Variants in PPM1B observed in about 807,000 individuals in gnomAD.
PPM1B encodes protein phosphatase 1B.
PPM1B carries 22 observed loss-of-function variants against 43.0 expected under a neutral mutation model. That is an observed-to-expected ratio of 0.51 (90% CI 0.37 to 0.73). The LOEUF (loss-of-function observed/expected upper bound fraction) is 0.73. Among genes scored for constraint, PPM1B ranks in the 30% least tolerant of loss-of-function variants. PPM1B has a pLI of 0.00. For synonymous variants in PPM1B, 217 were observed against 197.9 expected (o/e 1.10, Z -0.81); for missense variants, 632 against 584.2 (o/e 1.08, Z -0.84).
At chr2:44,205,352 T>TGTGTGTCGGG (rs1553333026) in intron 2 of PPM1B, among the ~76,000 whole-genome samples, 1 of 143,206 alleles carries the variant, frequency 7.0e-6, no homozygotes, top group African/African-American at 2.6e-5. Flanking sequence ...GGTGTGGGTG[T>TGTGTGTCGGG]GGGTGTGTGT....
intron 1 of PPM1B, among the ~76,000 whole-genome samples, chr2:44,197,103 C>G (rs546570950): frequency 1.3e-5 from 2 of 152,106 alleles, no homozygotes; most frequent in Non-Finnish European, 2.9e-5. Flanking sequence ...TACCCCCTAC[C>G]CAGTTTCCAC....
At chr2:44,209,177 C>G (rs1192587505) in intron 2 of PPM1B, 33 bp from the exon 3 acceptor site, 2 of 1,496,160 alleles carry the variant, frequency 1.3e-6, no homozygotes, top group Non-Finnish European at 1.8e-6. Flanking sequence ...TGTAGAAATA[C>G]AATTTTTTTT....
intron 3 of PPM1B, among the ~76,000 whole-genome samples, chr2:44,215,880 A>T (rs1669696017): frequency 6.6e-6 from 1 of 152,164 alleles, no homozygotes; most frequent in Non-Finnish European, 1.5e-5. Context: ...GTGAGGAAGG[A>T]TGTTTGAGCA....
intron 5 of PPM1B, among the ~76,000 whole-genome samples, chr2:44,223,969 T>G (rs76963864): frequency 0.012 from 1,771 of 152,272 alleles, 42 homozygotes; most frequent in African/African-American, 0.041. Context: ...ATTCATTAAA[T>G]TTGACATGAT....
chr2:44,171,562 G>C (rs906137732), intron 1 of PPM1B, among the ~76,000 whole-genome samples: 1 of 152,144 alleles, frequency 6.6e-6, no homozygotes, highest in Non-Finnish European at 1.5e-5. Flanking sequence ...AGGTGCGGTG[G>C]CTCATGCCTG....
chr2:44,198,877 T>C lies in PPM1B; in HGVS notation c.-14-2309T>C, dbSNP rs530914781. On this transcript the variant is annotated intron_variant, in intron 1 of 5. Transcript: ENST00000282412. ...TAATTACTAGGGAATAAAGGGAGAA[T>C]GAATTAGTTTAAGCAGTTTTTTCAC... 2.6e-5 allele frequency among the ~76,000 whole-genome samples: 4 copies of C among 152,236 alleles called. No individual in the cohort carries two copies. The South Asian group carries it at 8.3e-4, about 32-fold the overall frequency.
chr2:44,236,402 CAAAAAAAAAAAAAAAAAA>C (rs61414038), downstream of PPM1B, among the ~76,000 whole-genome samples: 2 of 47,556 alleles, frequency 4.2e-5, no homozygotes, highest in Non-Finnish European at 8.1e-5. Flanking sequence ...GACTCCGTCT[CAAAAAAAAAAAAAAAAAA>C]AAAAAAAGTT....
In PPM1B at chr2:44,202,017, A is replaced by G. The variant is rs767149331; in HGVS notation, c.818A>G (p.Asn273Ser). The G allele has an allele frequency of 2.7e-5, 43 of 1,603,350 alleles. No homozygotes were observed. Among genetic ancestry groups the G allele is most frequent in the Middle Eastern group, 1.7e-4 (1 of 6,026 alleles). ...TCTGATGACCTGGAAAATGTGTGCA[A>G]TTGGGTAGTGGACACTTGTTTACAC... ...EVSDDLENVC[N>S]WVVDTCLHKG... The change falls in exon 2 of 6, where the codon AAT becomes AGT. Residue 273 changes from asparagine to serine, a missense_variant. Asn to Ser is a conservative substitution (Grantham distance 46). Around this residue, in one of 3 missense-constraint regions of PPM1B, gnomAD observed 392 missense variants for 302.7 expected, o/e 1.29. Transcript: ENST00000282412.
chr2:44,222,552 C>T lies in PPM1B; in HGVS notation c.1134+4015C>T, dbSNP rs77879007. Among the ~76,000 whole-genome samples the T allele has an allele frequency of 3.6e-3, 550 of 152,190 alleles. 3 individuals carry two copies. The highest frequency in any genetic ancestry group is 0.012 in the African/African-American group (507 of 41,534). ...GTATTTACCCAGCTCCTACTTGTGC[C>T]AGGCCCCTTATTTATACACACACAG... On this transcript the variant is annotated intron_variant, in intron 5 of 5. Coordinates refer to ENST00000282412, the MANE Select transcript of PPM1B (RefSeq NM_002706.6).
chr2:44,232,566 C>T, downstream of PPM1B: 1 of 1,390,448 alleles, frequency 7.2e-7, no homozygotes, highest in Non-Finnish European at 9.3e-7. Context: ...TTGCCAACCT[C>T]AGGCATACTC....
intron 5 of PPM1B, among the ~76,000 whole-genome samples, chr2:44,241,263 A>G (rs1329796697): frequency 7.0e-6 from 1 of 142,938 alleles, no homozygotes; most frequent in African/African-American, 2.5e-5. Flanking sequence ...TTGGCCTCCC[A>G]AAGTGCTGGG....
intron 2 of PPM1B, among the ~76,000 whole-genome samples, chr2:44,206,811 C>T (rs1007663257): frequency 6.6e-6 from 1 of 152,144 alleles, no homozygotes; most frequent in African/African-American, 2.4e-5. Flanking sequence ...ATCCTCCTGC[C>T]TCAGCCTCCC....
At chr2:44,171,829 CAAA>C (rs58214419) in intron 1 of PPM1B, among the ~76,000 whole-genome samples, 7 of 118,768 alleles carry the variant, frequency 5.9e-5, no homozygotes, top group East Asian at 2.4e-4. Flanking sequence ...GACTCTGTCT[CAAA>C]AAAAAAAAAA....
In PPM1B at chr2:44,240,812, A is replaced by G. The variant is rs558161248; in HGVS notation, n.1547-3416A>G. 2.1e-4 allele frequency among the ~76,000 whole-genome samples: 31 copies of G among 145,024 alleles called. 1 individual carries two copies. Among genetic ancestry groups the G allele is most frequent in the African/African-American group, 7.7e-4 (31 of 40,204 alleles). ...AATGGAGGGAGCGCTAAGCTAAGAG[A>G]GTCCCGAGCTCCAGCAGCAGCCAGG... On this transcript the variant is annotated intron_variant and non_coding_transcript_variant, in intron 5 of 5. Coordinates refer to the PPM1B transcript ENST00000378540.
chr2:44,169,847 C>T (rs916804968), intron 1 of PPM1B, among the ~76,000 whole-genome samples: 11 of 152,168 alleles, frequency 7.2e-5, no homozygotes, highest in African/African-American at 2.7e-4. Context: ...CCTGTCTTCC[C>T]TAGCACCATC....
Position 44,194,836 on chromosome 2 carries a change from G to A in PPM1B, c.-14-6350G>A, listed in dbSNP as rs149622300. Among the ~76,000 whole-genome samples, 485 of 151,576 alleles carry A rather than the reference G, an allele frequency of 3.2e-3. 1 individual carries two copies. Among genetic ancestry groups the A allele is most frequent in the African/African-American group, 0.011 (449 of 41,278 alleles). On this transcript the variant is annotated intron_variant, in intron 1 of 5. Transcript: ENST00000282412. ...CTTGCTCTGGTCCTCAGCTAAATCT[G>A]CTGTCTCTAAACCCAGAGTCTCTAT...
At chr2:44,232,408 A>G (rs572297739), downstream of PPM1B, 8 of 1,593,862 alleles carry the variant, frequency 5.0e-6, no homozygotes, top group African/African-American at 4.1e-5. Context: ...TTTAATCACA[A>G]TTTTCTTCAA....
chr2:44,233,950 A>G (rs760976248), downstream of PPM1B: 3 of 985,368 alleles, frequency 3.0e-6, no homozygotes, highest in Non-Finnish European at 3.6e-6. Context: ...CAAACTGTCC[A>G]CTCTGATCCA....
downstream of PPM1B, chr2:44,233,462 T>G (rs1670525436): frequency 1.0e-6 from 1 of 984,356 alleles, no homozygotes; most frequent in Non-Finnish European, 1.2e-6. Context: ...TTAAATTCAA[T>G]TAATGCTGAA....
Sources: allele counts gnomAD v4.1 joint callset (sites outside exome capture counted in the v4.1 genomes callset), GRCh38; gene constraint gnomAD v4.1.1; regional missense constraint gnomAD v4.1.1; transcripts MANE v1.5; gene names NCBI Gene and HGNC (gene_info 2026-07-23, HGNC 2026-07-21).